Variants in PDZD2 observed in about 807,000 individuals in gnomAD.
PDZD2 encodes the protein PDZ domain-containing protein 2.
Under a neutral mutation model 220.7 loss-of-function variants are expected in PDZD2, and 90 were observed. The observed-to-expected ratio is 0.41, with a 90% CI of 0.34 to 0.49. PDZD2 has a LOEUF of 0.49. Among genes scored for constraint, PDZD2 ranks in the 20% least tolerant of loss-of-function variants. PDZD2 has a pLI of 0.28. For synonymous variants in PDZD2, 1,375 were observed against 1,450.5 expected, an observed-to-expected ratio of 0.95 and a Z score of 1.18; for missense variants, 3,174 against 3,608.5, an observed-to-expected ratio of 0.88 and a Z score of 3.08.
chr5:31,703,037 G>A (rs1373749979), intron 1 of PDZD2, among the ~76,000 whole-genome samples: 1 of 152,210 alleles, frequency 6.6e-6, no homozygotes, highest in Admixed American at 6.5e-5. Context: ...TCTTGGGAAT[G>A]ACCACTGGTC....
chr5:31,854,631 T>G (rs1195071785), intron 2 of PDZD2, among the ~76,000 whole-genome samples: 1 of 152,038 alleles, frequency 6.6e-6, no homozygotes, highest in Non-Finnish European at 1.5e-5. Flanking sequence ...GAACTTTTGG[T>G]GCAAACGAGG....
intron 10 of PDZD2, among the ~76,000 whole-genome samples, chr5:32,054,311 TC>T (rs1207125910): frequency 4.1e-5 from 4 of 97,006 alleles, no homozygotes; most frequent in East Asian, 5.0e-4. Context: ...TAAATGAACA[TC>T]TTTTTTTTTT....
At chr5:32,106,463 G>T (rs1744771025) in intron 24 of PDZD2, 1 of 152,284 alleles carries the variant, frequency 6.6e-6, no homozygotes, top group Admixed American at 6.5e-5. Flanking sequence ...TGTCCTAGAA[G>T]ACTTTCCTCT....
intron 2 of PDZD2, among the ~76,000 whole-genome samples, chr5:31,883,511 G>A (rs576523102): frequency 4.6e-5 from 7 of 151,890 alleles, no homozygotes; most frequent in African/African-American, 1.5e-4. Context: ...ATGAGCCACC[G>A]TGTCTGGCCA....
intron 2 of PDZD2, among the ~76,000 whole-genome samples, chr5:31,959,560 T>C (rs752015523): frequency 4.0e-5 from 6 of 151,576 alleles, no homozygotes; most frequent in Non-Finnish European, 7.4e-5. Flanking sequence ...GGTTTCACCA[T>C]GTTGGCCACG....
At chr5:31,975,793 C>CTGTTTTT (rs1749696572) in intron 2 of PDZD2, among the ~76,000 whole-genome samples, 1 of 55,182 alleles carries the variant, frequency 1.8e-5, no homozygotes, top group African/African-American at 8.5e-5. Flanking sequence ...GTATCAGTCA[C>CTGTTTTT]TTTTTTTTTA....
chr5:31,787,094 T>C (rs1257493838), intron 1 of PDZD2, among the ~76,000 whole-genome samples: 1 of 152,218 alleles, frequency 6.6e-6, no homozygotes, highest in East Asian at 1.9e-4. Flanking sequence ...GCCCGATCCA[T>C]ACCACATGGA....
intron 2 of PDZD2, among the ~76,000 whole-genome samples, chr5:31,831,337 C>T (rs891680564): frequency 5.3e-5 from 8 of 151,884 alleles, no homozygotes; most frequent in South Asian, 4.2e-4. Flanking sequence ...AAAAATTGGC[C>T]GGGTGCAGTG....
At chr5:31,934,410 A>G (rs1477946153) in intron 2 of PDZD2, among the ~76,000 whole-genome samples, 1 of 152,098 alleles carries the variant, frequency 6.6e-6, no homozygotes, top group African/African-American at 2.4e-5. Flanking sequence ...TAATCCTCCC[A>G]TTAGTTCTTT....
chr5:31,822,192 T>C (rs1755914927), intron 2 of PDZD2, among the ~76,000 whole-genome samples: 1 of 152,142 alleles, frequency 6.6e-6, no homozygotes, highest in Non-Finnish European at 1.5e-5. Flanking sequence ...TGAGTTATAA[T>C]CCTTTGGGTA....
intron 1 of PDZD2, among the ~76,000 whole-genome samples, chr5:31,662,042 G>A (rs1021717164): frequency 4.6e-5 from 7 of 152,106 alleles, no homozygotes. Flanking sequence ...TGGGCGTGGT[G>A]GCTCACCTCT....
chr5:31,908,459 T>C, intron 2 of PDZD2: 1 of 771,572 alleles, frequency 1.3e-6, no homozygotes, highest in Non-Finnish European at 2.0e-6. Context: ...GCGAAGATGG[T>C]CTGTAGGAGA....
chr5:32,095,188 G>A (rs1243877205), intron 21 of PDZD2, among the ~76,000 whole-genome samples: 1 of 152,166 alleles, frequency 6.6e-6, no homozygotes, highest in Non-Finnish European at 1.5e-5. Context: ...CCACAGTGCT[G>A]CCCGAGGGTG....
chr5:31,640,733 A>C (rs555169633), intron 1 of PDZD2, among the ~76,000 whole-genome samples: 1 of 151,684 alleles, frequency 6.6e-6, no homozygotes, highest in South Asian at 2.1e-4. Context: ...GGCAGAAGAG[A>C]ATGTCTCAGA....
chr5:31,681,255 T>C (rs1746639950), intron 1 of PDZD2, among the ~76,000 whole-genome samples: 1 of 152,200 alleles, frequency 6.6e-6, no homozygotes, highest in Non-Finnish European at 1.5e-5. Context: ...TGTTTTTACT[T>C]TGTTTTGTTG....
At position 32,048,557 on chromosome 5, in the gene PDZD2, A is replaced by G. The variant is rs749961181; in HGVS notation, c.1538A>G (p.Glu513Gly). ...SRLSGGVHRL[E>G]SVEEYNELMV... Reference sequence around the variant, plus strand: ...TCTCAAGGGGGTGTACACCGCCTTGAGTCAGTTGAAGAATATAACGAGCTG... The same window carrying G: ...TCTCAAGGGGGTGTACACCGCCTTGGGTCAGTTGAAGAATATAACGAGCTG... Residue 513 changes from glutamate to glycine, a missense_variant, in exon 8 of 25, where the codon GAG becomes GGG. By Grantham distance (98) the Glu-to-Gly change is moderately conservative. Transcript: ENST00000438447. 8.7e-6 allele frequency: 14 copies of G among 1,613,796 alleles called. No homozygotes were observed. The highest frequency in any genetic ancestry group is 1.2e-5 in the Non-Finnish European group (14 of 1,179,772).
chr5:32,051,891 G>T (rs1738590204), intron 8 of PDZD2, among the ~76,000 whole-genome samples: 1 of 152,160 alleles, frequency 6.6e-6, no homozygotes, highest in South Asian at 2.1e-4. Flanking sequence ...AGTGAGTTAG[G>T]CTTAAAATGG....
At chr5:31,911,186 A>G (rs768218017) in intron 2 of PDZD2, among the ~76,000 whole-genome samples, 1 of 152,224 alleles carries the variant, frequency 6.6e-6, no homozygotes, top group Non-Finnish European at 1.5e-5. Context: ...TGATGATTTG[A>G]TGGGATAGTT....
chr5:32,006,164 A>G (rs1322522206), intron 5 of PDZD2, among the ~76,000 whole-genome samples: 1 of 150,534 alleles, frequency 6.6e-6, no homozygotes, highest in Non-Finnish European at 1.5e-5. Flanking sequence ...AAAAAAAAAG[A>G]TATCAAGGGC....
Sources: allele counts gnomAD v4.1 joint callset (sites outside exome capture counted in the v4.1 genomes callset), GRCh38; gene constraint gnomAD v4.1.1; transcripts MANE v1.5; gene names NCBI Gene and HGNC (gene_info 2026-07-23, HGNC 2026-07-21).